YPEL1: variants seen among roughly 807,000 people sequenced by gnomAD.
YPEL1 encodes yippee like 1, also known as protein yippee-like 1.
Under a neutral mutation model 17.3 loss-of-function variants are expected in YPEL1, and 7 were observed. The ratio of observed to expected loss-of-function variants is 0.40; its 90% CI spans 0.23 to 0.76. YPEL1 has a LOEUF of 0.76. Among genes scored for constraint, YPEL1 ranks in the 30% least tolerant of loss-of-function variants. The pLI, the probability that YPEL1 is intolerant of heterozygous loss-of-function variation, is 0.35. For synonymous variants in YPEL1, 59 were observed against 59.6 expected (o/e 0.99, Z 0.05); for missense variants, 91 against 155.5 (o/e 0.59, Z 2.21).
intron 1 of YPEL1, among the ~76,000 whole-genome samples, chr22:21,724,430 A>C (rs1276345354): frequency 6.6e-6 from 1 of 152,028 alleles, no homozygotes; most frequent in Non-Finnish European, 1.5e-5. Context: ...CCAGCTACTC[A>C]GGAGGCTGAG....
Position 21,703,126 on chromosome 22 carries a change from A to G in YPEL1, c.270+244T>C, listed in dbSNP as rs1055266845. Among the ~76,000 whole-genome samples the G allele has an allele frequency of 6.6e-6, 1 of 152,118 alleles. No homozygotes were observed. Among genetic ancestry groups the G allele is most frequent in the Admixed American group, 6.5e-5 (1 of 15,276 alleles). On this transcript the variant is annotated intron_variant, in intron 4 of 4. Transcript: ENST00000339468. The surrounding 1 kb of genome is among the most constrained non-coding windows in gnomAD (Gnocchi z 6.1). ...CAGAGAGCCTGGCTTAGGAAGAAAC[A>G]GGGCTTGAAAACATGGTGTTTTTGT...
chr22:21,699,882 C>G lies in YPEL1; in HGVS notation c.*1247G>C, dbSNP rs1053264729. 2 of 152,666 alleles carry G rather than the reference C, an allele frequency of 1.3e-5. No homozygotes were observed. The highest frequency in any genetic ancestry group is 4.8e-5 in the African/African-American group (2 of 41,580). 9.5% of individuals were successfully genotyped at this position (152,666 alleles called of 1,614,324 possible). ...ACTGCTGAGGGCACAACCCCTGGTA[C>G]CAGACCCTGTGAGGCTGTCACCTCA... is the stretch of plus-strand genomic sequence containing the variant. On this transcript the variant is annotated 3_prime_UTR_variant, in exon 5 of 5. Transcript: ENST00000339468.
intron 1 of YPEL1, among the ~76,000 whole-genome samples, chr22:21,730,964 T>G (rs1007130049): frequency 6.6e-6 from 1 of 152,242 alleles, no homozygotes; most frequent in Admixed American, 6.5e-5. Flanking sequence ...ATAATGTGCT[T>G]GTACTGAGCG....
chr22:21,699,166 A>AG lies in YPEL1; in HGVS notation c.*1962dup, dbSNP rs1192874117. On this transcript the variant is annotated 3_prime_UTR_variant, in exon 5 of 5. Coordinates refer to ENST00000339468, the MANE Select transcript of YPEL1 (RefSeq NM_013313.5). ...CTGCCTGGACCGCAGGTCTGGGTTT[A>AG]GGAAGGGCTGAAGTCGGGGGAGGTG... 1.3e-5 allele frequency: 2 copies of AG among 152,536 alleles called. No individual in the cohort carries two copies. Among genetic ancestry groups the AG allele is most frequent in the Admixed American group, 1.3e-4 (2 of 15,308 alleles). 9.4% of individuals were successfully genotyped at this position (152,536 alleles called of 1,614,324 possible). A position where few individuals can be genotyped will look rare whatever the true frequency, so the allele number is the denominator to read the frequency against.
At chr22:21,717,777 C>T (rs959897211) in intron 1 of YPEL1, among the ~76,000 whole-genome samples, 14 of 152,178 alleles carry the variant, frequency 9.2e-5, no homozygotes, top group African/African-American at 3.4e-4. Flanking sequence ...AATTATGATT[C>T]TGAAAGATAA....
intron 1 of YPEL1, 28 bp from the exon 2 acceptor site, chr22:21,710,936 GT>G: frequency 1.6e-6 from 1 of 615,728 alleles, no homozygotes; most frequent in Non-Finnish European, 2.9e-6. Context: ...AAAGTGGTGG[GT>G]TACAGAGAGA....
At chr22:21,719,201 C>G (rs906166178) in intron 1 of YPEL1, among the ~76,000 whole-genome samples, 4 of 152,188 alleles carry the variant, frequency 2.6e-5, no homozygotes, top group African/African-American at 7.2e-5. Context: ...CACCTCTGCT[C>G]TCCTGTCCAC....
chr22:21,733,527 GTT>G (rs2068408721), intron 1 of YPEL1, among the ~76,000 whole-genome samples: 1 of 152,118 alleles, frequency 6.6e-6, no homozygotes, highest in Non-Finnish European at 1.5e-5. Flanking sequence ...CAGCTCAGGA[GTT>G]TGAGACCAGC....
rs1349362404 is a variant in YPEL1, at chr22:21,731,238, G to C, written c.-165+4377C>G. On this transcript the variant is annotated intron_variant, in intron 1 of 4. Coordinates refer to ENST00000339468, the MANE Select transcript of YPEL1 (RefSeq NM_013313.5). Reference sequence around the variant, plus strand: ...AAAAAAAAATTTAAAAATTAACCAGGTGTGGTGGCACGTGCCTGTCGTCCC... The same window carrying C: ...AAAAAAAAATTTAAAAATTAACCAGCTGTGGTGGCACGTGCCTGTCGTCCC... Among the ~76,000 whole-genome samples the C allele has an allele frequency of 2.6e-5, 4 of 151,904 alleles. No individual in the cohort carries two copies. In the East Asian group the frequency reaches 7.7e-4, roughly 29 times the overall value.
chr22:21,709,825 A>G (rs1947665801), intron 2 of YPEL1, among the ~76,000 whole-genome samples: 1 of 147,136 alleles, frequency 6.8e-6, no homozygotes, highest in Non-Finnish European at 1.5e-5. Flanking sequence ...ATCCGTGAGG[A>G]TGGGTGCAAG....
At chr22:21,704,653 G>A (rs111476222) in intron 2 of YPEL1, among the ~76,000 whole-genome samples, 2,308 of 125,574 alleles carry the variant, frequency 0.018, 25 homozygotes, top group South Asian at 0.045. Flanking sequence ...GTGAAACCCC[G>A]TCTCGAAAAA....
At chr22:21,723,542 A>G (rs1403334523) in intron 1 of YPEL1, among the ~76,000 whole-genome samples, 2 of 151,670 alleles carry the variant, frequency 1.3e-5, no homozygotes, top group Non-Finnish European at 2.9e-5. Flanking sequence ...TAATTTTTGC[A>G]TTTTTAGGAG....
chr22:21,731,205 C>T (rs1445454394), intron 1 of YPEL1, among the ~76,000 whole-genome samples: 1 of 151,738 alleles, frequency 6.6e-6, no homozygotes, highest in East Asian at 1.9e-4. Flanking sequence ...TGGCGAAAAC[C>T]CGTCTCTAAA....
chr22:21,732,113 C>T (rs574804157), intron 1 of YPEL1, among the ~76,000 whole-genome samples: 27 of 152,362 alleles, frequency 1.8e-4, no homozygotes, highest in African/African-American at 6.5e-4. Flanking sequence ...TTTACTCTCA[C>T]CTGCCAACAG....
In YPEL1 at chr22:21,703,566, T is replaced by C. The variant is rs1314165337; in HGVS notation, c.162-88A>G. 2 of 1,244,304 alleles carry C rather than the reference T, an allele frequency of 1.6e-6. No homozygotes were observed. Among genetic ancestry groups the C allele is most frequent in the Non-Finnish European group, 2.3e-6 (2 of 870,338 alleles). The allele number at this position is 1,244,304 out of a possible 1,614,324, so 77.1% of individuals were successfully genotyped here. ...CTCAGCGGGCCCCACCCCATCCTCCTAAGAGTTCCCCCAAAACAGGGAAAC... is the reference window on the plus strand; with the variant it reads ...CTCAGCGGGCCCCACCCCATCCTCCCAAGAGTTCCCCCAAAACAGGGAAAC... On this transcript the variant is annotated intron_variant, in intron 3 of 4. Transcript: ENST00000339468. This position sits in a 1 kb window ranked among gnomAD's most constrained non-coding sequence, Gnocchi z 6.1.
At position 21,730,286 on chromosome 22, in the gene YPEL1, C is replaced by T. The variant is rs150504219; in HGVS notation, c.-165+5329G>A. Among the ~76,000 whole-genome samples the T allele has an allele frequency of 2.1e-4, 32 of 152,174 alleles. No homozygotes were observed. The East Asian group carries it at 6.1e-3, about 29-fold the overall frequency. On this transcript the variant is annotated intron_variant, in intron 1 of 4. Coordinates refer to ENST00000339468, the MANE Select transcript of YPEL1 (RefSeq NM_013313.5). ...TCTCCCAGGCTGGAGTGCAGTAGCACGATCTTGGCTCACTGCAGCCTCCGC... is the reference window on the plus strand; with the variant it reads ...TCTCCCAGGCTGGAGTGCAGTAGCATGATCTTGGCTCACTGCAGCCTCCGC...
In YPEL1 at chr22:21,703,415, G is replaced by A. The variant is rs774758879; in HGVS notation, c.225C>T (p.Ala75=). 3.4e-5 allele frequency: 55 copies of A among 1,613,272 alleles called. No homozygotes were observed. The highest frequency in any genetic ancestry group is 1.6e-4 in the Middle Eastern group (1 of 6,084). ...TCTTGCAGTTCTCGCAGTAGATGTC[G>A]GCAACCGCATGCAGCCCGGTGAGAA... is the stretch of plus-strand genomic sequence containing the variant. The part of the protein sequence containing the change: ...RVLLTGLHAV[A]DIYCENCKTT... Residue 75 remains alanine, a synonymous_variant, in exon 4 of 5, where the codon GCC becomes GCT. Coordinates refer to ENST00000339468, the MANE Select transcript of YPEL1 (RefSeq NM_013313.5). This position sits in a 1 kb window ranked among gnomAD's most constrained non-coding sequence, Gnocchi z 6.1.
In YPEL1 at chr22:21,735,691, G is replaced by A. The variant is rs2068430297; in HGVS notation, c.-241C>T. 6.6e-6 allele frequency: 1 copy of A among 151,060 alleles called. No homozygotes were observed. Among genetic ancestry groups the A allele is most frequent in the African/African-American group, 2.4e-5 (1 of 41,280 alleles). 9.4% of individuals were successfully genotyped at this position (151,060 alleles called of 1,614,324 possible). On this transcript the variant is annotated 5_prime_UTR_variant, in exon 1 of 5. Transcript: ENST00000339468. ...CCGGTCAGCGCGGGCTCGGCTCTCA[G>A]GCGTTCCCGGCGCGGCCCGGGACGC...
intron 2 of YPEL1, among the ~76,000 whole-genome samples, chr22:21,708,132 A>AT (rs1481814607): frequency 6.6e-6 from 1 of 151,704 alleles, no homozygotes; most frequent in Non-Finnish European, 1.5e-5. Flanking sequence ...GTCTCAATGA[A>AT]TCCTCATCAG....
Sources: gnomAD v4.1 joint callset for allele counts (sites outside exome capture counted in the v4.1 genomes callset) on GRCh38, gnomAD v4.1.1 for gene constraint, Gnocchi (gnomAD v3.1) non-coding constraint, MANE v1.5 for transcripts, NCBI Gene and HGNC (gene_info 2026-07-23, HGNC 2026-07-21) for gene names.